HPCAL4: variants seen among roughly 807,000 people sequenced by gnomAD.
HPCAL4 encodes hippocalcin like 4, also known as hippocalcin-like protein 4.
A neutral mutation model predicts 18.2 loss-of-function variants in HPCAL4; 16 were observed. The ratio of observed to expected loss-of-function variants is 0.88; its 90% CI spans 0.59 to 1.33. HPCAL4 has a LOEUF of 1.33. HPCAL4 is among the 40% of genes most tolerant of loss of function. The probability of loss-of-function intolerance (pLI) is 0.00; values close to 1 mark genes in which losing one functional copy is unlikely to be tolerated. For synonymous variants in HPCAL4, 80 were observed against 97.5 expected (o/e 0.82, Z 1.06); for missense variants, 214 against 256.6 (o/e 0.83, Z 1.14).
At chr1:39,687,912 A>ATAAC (rs1553487531) in intron 1 of HPCAL4, among the ~76,000 whole-genome samples, 17,063 of 148,838 alleles carry the variant, frequency 0.11, 1,592 homozygotes, top group East Asian at 0.45. Context: ...CAAAAAAAAA[A>ATAAC]TAAGTAAATA....
In HPCAL4 at chr1:39,684,578, G is replaced by C. The variant is rs1376435094; in HGVS notation, c.26C>G (p.Ala9Gly). 6.2e-7 allele frequency: 1 copy of C among 1,607,226 alleles called. No individual in the cohort carries two copies. Among genetic ancestry groups the C allele is most frequent in the Non-Finnish European group, 8.5e-7 (1 of 1,176,672 alleles). ...AACAAGGTCCTCCAGCACCTCGGGGGCCAGCTTGCTGTTGGTCTTCCCCAT... is the reference window on the plus strand; with the variant it reads ...AACAAGGTCCTCCAGCACCTCGGGGCCCAGCTTGCTGTTGGTCTTCCCCAT... MGKTNSKL[A>G]PEVLEDLVQN... Residue 9 changes from alanine to glycine, a missense_variant, in exon 2 of 4, where the codon GCC (alanine) becomes GGC (glycine). Physicochemically the swap from Ala to Gly is moderately conservative, Grantham distance 60. Transcript: ENST00000372844.
chr1:39,682,848 G>A, intron 3 of HPCAL4, 115 bp from the exon 4 acceptor site: 1 of 718,464 alleles, frequency 1.4e-6, no homozygotes, highest in Non-Finnish European at 2.4e-6. Flanking sequence ...GATACTGGAA[G>A]GTATATGTGG....
chr1:39,687,351 A>G (rs1480812358), intron 1 of HPCAL4, among the ~76,000 whole-genome samples: 2 of 152,372 alleles, frequency 1.3e-5, no homozygotes, highest in African/African-American at 4.8e-5. Context: ...GGTATAGTCA[A>G]GGAAGCTGGA....
rs1411643047 is a variant in HPCAL4 at position 39,678,895 on chromosome 1, C to A, written c.*3641G>T. 6.6e-6 allele frequency: 1 copy of A among 152,176 alleles called. No homozygotes were observed. The highest frequency in any genetic ancestry group is 1.5e-5 in the Non-Finnish European group (1 of 68,036). The allele number at this position is 152,176 out of a possible 1,614,324, so 9.4% of individuals were successfully genotyped here. A position where few individuals can be genotyped will look rare whatever the true frequency, so the allele number is the denominator to read the frequency against. On this transcript the variant is annotated 3_prime_UTR_variant, in exon 4 of 4. Coordinates refer to ENST00000372844, the MANE Select transcript of HPCAL4 (RefSeq NM_016257.4). The stretch of plus-strand genomic sequence containing the variant: ...CCACCAAGCAGGAAGGGCTATACAC[C>A]CTGGCAGGCCCAGTCCTGCCCCCAC...
At position 39,684,618 on chromosome 1, in the gene HPCAL4, G is replaced by T; in HGVS notation, c.-8-7C>A. On this transcript the variant is annotated splice_region_variant and splice_polypyrimidine_tract_variant and intron_variant, in intron 1 of 3. Transcript: ENST00000372844. ...GTCTTCCCCATGGCGGGGCCTGTGGGACAGAGGGATTCCTCCGACTGGGTC... is the reference window on the plus strand; with the variant it reads ...GTCTTCCCCATGGCGGGGCCTGTGGTACAGAGGGATTCCTCCGACTGGGTC... 6.4e-7 allele frequency: 1 copy of T among 1,571,606 alleles called. No individual in the cohort carries two copies. Among genetic ancestry groups the T allele is most frequent in the Non-Finnish European group, 8.6e-7 (1 of 1,159,694 alleles).
intron 1 of HPCAL4, among the ~76,000 whole-genome samples, chr1:39,689,236 G>A (rs1167903419): frequency 6.6e-6 from 1 of 152,058 alleles, no homozygotes; most frequent in Admixed American, 6.5e-5. Context: ...GGACCCATGA[G>A]AGCAGGGGTT....
At chr1:39,688,976 G>C (rs1340095265) in intron 1 of HPCAL4, among the ~76,000 whole-genome samples, 2 of 152,002 alleles carry the variant, frequency 1.3e-5, no homozygotes, top group African/African-American at 4.8e-5. Context: ...CCCTCACCTG[G>C]TGCTGTAGAA....
intron 1 of HPCAL4, among the ~76,000 whole-genome samples, chr1:39,685,796 C>T (rs1209129334): frequency 2.6e-5 from 4 of 151,190 alleles, no homozygotes; most frequent in Non-Finnish European, 4.4e-5. Flanking sequence ...AGGAGAATGG[C>T]GTCAACCCAG....
intron 1 of HPCAL4, among the ~76,000 whole-genome samples, chr1:39,688,708 C>T (rs971673594): frequency 6.6e-6 from 1 of 152,218 alleles, no homozygotes; most frequent in African/African-American, 2.4e-5. Flanking sequence ...GCTCTCATTG[C>T]TCACTCACCA....
At chr1:39,683,786 T>G in intron 3 of HPCAL4, 151 bp downstream of exon 3, 5 of 673,764 alleles carry the variant, frequency 7.4e-6, no homozygotes, top group East Asian at 5.7e-5. Context: ...GGGTAAAGCA[T>G]TTAGCCCGGG....
At chr1:39,685,570 CA>C (rs1468380843) in intron 1 of HPCAL4, among the ~76,000 whole-genome samples, 2 of 152,054 alleles carry the variant, frequency 1.3e-5, no homozygotes, top group Admixed American at 1.3e-4. Context: ...CTAGTCTCTA[CA>C]AAAAATTTAA....
intron 1 of HPCAL4, 111 bp from the exon 2 acceptor site, chr1:39,684,722 A>G: frequency 1.1e-6 from 1 of 872,554 alleles, no homozygotes; most frequent in Non-Finnish European, 1.7e-6. Flanking sequence ...CCTTCCCCTC[A>G]TGACACTCCC....
Position 39,680,466 on chromosome 1 carries a change from C to T in HPCAL4, c.*2070G>A, listed in dbSNP as rs1172251810. The stretch of plus-strand genomic sequence containing the variant: ...AGATTCAGCATTTGCAGGGAAGGAA[C>T]CTCACTTAGTGAAAAGCTTTTCACC... On this transcript the variant is annotated 3_prime_UTR_variant, in exon 4 of 4. Coordinates refer to ENST00000372844, the MANE Select transcript of HPCAL4 (RefSeq NM_016257.4). The T allele has an allele frequency of 1.3e-5, 2 of 152,176 alleles. No homozygotes were observed. Among genetic ancestry groups the T allele is most frequent in the South Asian group, 2.1e-4 (1 of 4,828 alleles). The allele number at this position is 152,176 out of a possible 1,614,324, so 9.4% of individuals were successfully genotyped here.
Position 39,681,026 on chromosome 1 carries a change from A to G in HPCAL4, c.*1510T>C, listed in dbSNP as rs1646621969. ...GGAAATCAACTGTCACTGCACGTCA[A>G]AGGTAATTTCTGATCACAAGTACAG... On this transcript the variant is annotated 3_prime_UTR_variant, in exon 4 of 4. Coordinates refer to ENST00000372844, the MANE Select transcript of HPCAL4 (RefSeq NM_016257.4). The G allele has an allele frequency of 6.5e-6, 1 of 152,686 alleles. No individual in the cohort carries two copies. The highest frequency in any genetic ancestry group is 1.5e-5 in the Non-Finnish European group (1 of 68,058). The allele number at this position is 152,686 out of a possible 1,614,324, so 9.5% of individuals were successfully genotyped here.
chr1:39,685,696 G>A (rs150502734), intron 1 of HPCAL4, among the ~76,000 whole-genome samples: 1,825 of 149,638 alleles, frequency 0.012, 12 homozygotes, highest in Non-Finnish European at 0.017. Context: ...TGGCTAACAC[G>A]GTGAAACCCT....
chr1:39,683,176 G>A lies in HPCAL4; in HGVS notation c.379-443C>T, dbSNP rs535959547. 5.3e-5 allele frequency among the ~76,000 whole-genome samples: 8 copies of A among 152,258 alleles called. No individual in the cohort carries two copies. The South Asian group carries it at 6.2e-4, about 12-fold the overall frequency. On this transcript the variant is annotated intron_variant, in intron 3 of 3. Coordinates refer to ENST00000372844, the MANE Select transcript of HPCAL4 (RefSeq NM_016257.4). Reference sequence around the variant, plus strand: ...TAGGATTACAGGCGTGAGCCACCACGCCCAGCCCTCAACTAATTTTTTATT... The same window carrying A: ...TAGGATTACAGGCGTGAGCCACCACACCCAGCCCTCAACTAATTTTTTATT...
At chr1:39,689,523 C>G (rs1646701985) in intron 1 of HPCAL4, among the ~76,000 whole-genome samples, 1 of 152,204 alleles carries the variant, frequency 6.6e-6, no homozygotes, top group Non-Finnish European at 1.5e-5. Context: ...TCAACTATAG[C>G]CCATCAGCAG....
chr1:39,688,878 T>C (rs766739012), intron 1 of HPCAL4, among the ~76,000 whole-genome samples: 4 of 152,186 alleles, frequency 2.6e-5, no homozygotes, highest in African/African-American at 4.8e-5. Flanking sequence ...CCTTTTCCAG[T>C]CTGGACAGTG....
At chr1:39,686,024 A>G (rs2124194129) in intron 1 of HPCAL4, among the ~76,000 whole-genome samples, 1 of 150,244 alleles carries the variant, frequency 6.7e-6, no homozygotes, top group Non-Finnish European at 1.5e-5. Flanking sequence ...TACTAAAAAT[A>G]CAAAAAATTA....
Sources: allele counts gnomAD v4.1 joint callset (sites outside exome capture counted in the v4.1 genomes callset), GRCh38; gene constraint gnomAD v4.1.1; transcripts MANE v1.5; gene names NCBI Gene and HGNC (gene_info 2026-07-23, HGNC 2026-07-21).